Variants in MR1 observed in about 807,000 individuals in gnomAD.
The protein encoded by MR1 is major histocompatibility complex, class I-related.
MR1 carries 44 observed loss-of-function variants against 37.8 expected under a neutral mutation model. That is an observed-to-expected ratio of 1.16 (90% confidence interval 0.91 to 1.50). The LOEUF (loss-of-function observed/expected upper bound fraction) is 1.50, where lower values mean the gene tolerates loss of function less well. MR1 is among the 40% of genes most tolerant of loss of function. MR1 has a pLI of 0.00. For synonymous variants in MR1, 153 were observed against 155.8 expected, an observed-to-expected ratio of 0.98 and a Z score of 0.13; for missense variants, 386 against 419.1, an observed-to-expected ratio of 0.92 and a Z score of 0.69.
At chr1:181,042,667 G>A (rs966555295) in intron 1 of MR1, among the ~76,000 whole-genome samples, 21 of 151,960 alleles carry the variant, frequency 1.4e-4, no homozygotes, top group African/African-American at 2.4e-4. Flanking sequence ...TTAGCCAGGC[G>A]TGATGGTGGG....
In MR1 at chr1:181,044,018, C is replaced by CA. The variant is rs1204361959; in HGVS notation, c.68-5033dup. On this transcript the variant is annotated intron_variant, in intron 1 of 5. Transcript: ENST00000367580. ...TCACTCTGTCGCCCAGGCTGGAGTG[C>CA]AGTGGCGTGATCTTGGCTCACTGCA... Among the ~76,000 whole-genome samples, 12 of 132,778 alleles carry CA rather than the reference C, an allele frequency of 9.0e-5. No individual in the cohort carries two copies. The East Asian group carries it at 2.4e-3, about 27-fold the overall frequency. The allele number at this position is 132,778 out of a possible 152,430, so 87.1% of individuals were successfully genotyped here.
chr1:181,042,146 T>A (rs1353296238), intron 1 of MR1, among the ~76,000 whole-genome samples: 3 of 151,722 alleles, frequency 2.0e-5, no homozygotes, highest in African/African-American at 4.8e-5. Flanking sequence ...CCTTTGCAGA[T>A]CCCAGATTGC....
intron 1 of MR1, among the ~76,000 whole-genome samples, chr1:181,040,965 T>C (rs55903939): frequency 0.3 from 44,909 of 151,470 alleles, 7,608 homozygotes; most frequent in African/African-American, 0.47. Flanking sequence ...GCCTGTAATC[T>C]CAGCTACTTG....
At chr1:181,050,328 A>G (rs1658238400) in intron 3 of MR1, 42 bp downstream of exon 3, 1 of 1,611,288 alleles carries the variant, frequency 6.2e-7, no homozygotes, top group African/African-American at 1.3e-5. Context: ...TTGCCTGAAC[A>G]ACTGTTTTTA....
intron 1 of MR1, among the ~76,000 whole-genome samples, chr1:181,035,064 G>A (rs1318477583): frequency 2.0e-5 from 3 of 152,124 alleles, no homozygotes; most frequent in Admixed American, 1.3e-4. Context: ...ACGTTGAGAG[G>A]CCGAGGCAGA....
intron 1 of MR1, among the ~76,000 whole-genome samples, chr1:181,035,889 G>A (rs1657243455): frequency 2.0e-5 from 3 of 152,226 alleles, no homozygotes; most frequent in Non-Finnish European, 4.4e-5. Flanking sequence ...AAGTTATAAA[G>A]GCAAGGGAAG....
At chr1:181,049,408 T>G (rs1171226182) in intron 2 of MR1, 96 bp downstream of exon 2, 25 of 1,425,004 alleles carry the variant, frequency 1.8e-5, no homozygotes, top group Admixed American at 4.9e-5. Flanking sequence ...GAATTGCACC[T>G]GCTGTAGCTT....
intron 1 of MR1, among the ~76,000 whole-genome samples, chr1:181,035,945 C>T (rs1237953204): frequency 6.6e-6 from 1 of 152,156 alleles, no homozygotes; most frequent in Non-Finnish European, 1.5e-5. Flanking sequence ...TAGAGTGCAT[C>T]CTTCTCTGTT....
chr1:181,049,537 C>T, intron 2 of MR1: 1 of 594,282 alleles, frequency 1.7e-6, no homozygotes, highest in Non-Finnish European at 3.0e-6. Context: ...CCACTCTTCC[C>T]CATCTCTGTA....
chr1:181,058,305 G>GT lies in MR1; in HGVS notation c.*3042dup, dbSNP rs1658720520. On this transcript the variant is annotated 3_prime_UTR_variant, in exon 6 of 6. Coordinates refer to ENST00000367580, the MANE Select transcript of MR1 (RefSeq NM_001385161.1). ...CTAGATGAGAAACCTGTTCAACTCTGTTCTTTTTTTTTTTTTTAACTCCAC... is the reference window on the plus strand; with the variant it reads ...CTAGATGAGAAACCTGTTCAACTCTGTTTCTTTTTTTTTTTTTTAACTCCAC... 7.1e-6 allele frequency: 1 copy of GT among 141,652 alleles called. No individual in the cohort carries two copies. The highest frequency in any genetic ancestry group is 1.5e-5 in the Non-Finnish European group (1 of 65,254). The allele number at this position is 141,652 out of a possible 1,614,324, so 8.8% of individuals were successfully genotyped here. A position where few individuals can be genotyped will look rare whatever the true frequency, so the allele number is the denominator to read the frequency against.
intron 1 of MR1, among the ~76,000 whole-genome samples, chr1:181,042,690 C>T (rs977945338): frequency 1.3e-5 from 2 of 151,836 alleles, no homozygotes; most frequent in African/African-American, 4.8e-5. Flanking sequence ...CCTGTAATCC[C>T]AGCTACTTGG....
At position 181,052,409 on chromosome 1, in the gene MR1, A is replaced by G. The variant is rs775111855; in HGVS notation, c.779A>G (p.Tyr260Cys). The G allele has an allele frequency of 6.2e-7, 1 of 1,614,186 alleles. No homozygotes were observed. Among genetic ancestry groups the G allele is most frequent in the Admixed American group, 1.7e-5 (1 of 60,022 alleles). ...ATTCTTCCCAGTGGGGATGGAACCT[A>G]TCAGGCGTGGGCATCAATTGAGCTT... The part of the protein sequence containing the change: ...GDILPSGDGT[Y>C]QAWASIELDP... The change falls in exon 4 of 6, where the codon TAT becomes TGT. Residue 260 changes from tyrosine to cysteine, a missense_variant. Coordinates refer to ENST00000367580, the MANE Select transcript of MR1 (RefSeq NM_001385161.1).
At chr1:181,048,045 G>T (rs1474941279) in intron 1 of MR1, among the ~76,000 whole-genome samples, 1 of 151,150 alleles carries the variant, frequency 6.6e-6, no homozygotes, top group African/African-American at 2.4e-5. Context: ...GTGAAACCCT[G>T]TCTCTACTAA....
At chr1:181,053,522 C>A in intron 4 of MR1, 51 bp from the exon 5 acceptor site, 1 of 1,403,360 alleles carries the variant, frequency 7.1e-7, no homozygotes, top group Non-Finnish European at 1.0e-6. Flanking sequence ...AGAAAGTTAA[C>A]ACAGAAGGGA....
intron 1 of MR1, among the ~76,000 whole-genome samples, chr1:181,046,176 C>T (rs945852634): frequency 7.2e-5 from 11 of 152,234 alleles, no homozygotes; most frequent in Non-Finnish European, 1.2e-4. Context: ...TGCTCCACGG[C>T]GCCAGTCCCA....
At position 181,052,391 on chromosome 1, in the gene MR1, C is replaced by A; in HGVS notation, c.761C>A (p.Pro254His). 1 of 1,614,128 alleles carries A rather than the reference C, an allele frequency of 6.2e-7. No individual in the cohort carries two copies. The highest frequency in any genetic ancestry group is 1.7e-5 in the Admixed American group (1 of 60,020). The change falls in exon 4 of 6, where the codon CCC (proline) becomes CAC (histidine). Residue 254 changes from proline to histidine, a missense_variant. Physicochemically the swap from Pro to His is moderately conservative, Grantham distance 77. Coordinates refer to ENST00000367580, the MANE Select transcript of MR1 (RefSeq NM_001385161.1). ...VQEIDYGDILPSGDGTYQAWA... is the reference protein window; with the variant it reads ...VQEIDYGDILHSGDGTYQAWA... ...GAAATTGATTATGGAGACATTCTTC[C>A]CAGTGGGGATGGAACCTATCAGGCG...
At chr1:181,047,137 C>G (rs540725591) in intron 1 of MR1, among the ~76,000 whole-genome samples, 1 of 152,032 alleles carries the variant, frequency 6.6e-6, no homozygotes, top group South Asian at 2.1e-4. Context: ...CTTGGACAAG[C>G]GGAGAGAAGT....
intron 3 of MR1, chr1:181,051,185 T>A (rs1658297091): frequency 1.3e-5 from 2 of 151,338 alleles, no homozygotes; most frequent in South Asian, 4.2e-4. Context: ...AGCTCCCCTC[T>A]CCAGGCCTCT....
At chr1:181,049,872 A>T (rs1316308798) in intron 2 of MR1, 139 bp from the exon 3 acceptor site, 1 of 933,766 alleles carries the variant, frequency 1.1e-6, no homozygotes, top group Admixed American at 2.3e-5. Context: ...CCTCCTGGGG[A>T]CTCAGCGATG....
Sources: gnomAD v4.1 joint callset for allele counts (sites outside exome capture counted in the v4.1 genomes callset) on GRCh38, gnomAD v4.1.1 for gene constraint, MANE v1.5 for transcripts, NCBI Gene and HGNC (gene_info 2026-07-23, HGNC 2026-07-21) for gene names.